ANK1: variants seen among roughly 807,000 people sequenced by gnomAD.
ANK1 encodes ankyrin 1.
A neutral mutation model predicts 210.4 loss-of-function variants in ANK1; 51 were observed. The ratio of observed to expected loss-of-function variants is 0.24; its 90% CI spans 0.19 to 0.31. ANK1 has a LOEUF of 0.31. Ranked by LOEUF, ANK1 falls within the 10% of genes least tolerant of loss-of-function variation. The probability of loss-of-function intolerance (pLI) is 1.00; values close to 1 mark genes in which losing one functional copy is unlikely to be tolerated. For synonymous variants in ANK1, 967 were observed against 1,025.9 expected (o/e 0.94, Z 1.10); for missense variants, 2,051 against 2,504.4 (o/e 0.82, Z 3.86).
chr8:41,891,819 CA>C (rs1819510505), intron 1 of ANK1, among the ~76,000 whole-genome samples: 1 of 152,188 alleles, frequency 6.6e-6, no homozygotes, highest in Non-Finnish European at 1.5e-5. Flanking sequence ...GCAGGGATAC[CA>C]AAGTTGTGAT....
At chr8:41,660,755 G>A (rs979458164) in intron 42 of ANK1, among the ~76,000 whole-genome samples, 2 of 152,138 alleles carry the variant, frequency 1.3e-5, no homozygotes, top group African/African-American at 4.8e-5. Flanking sequence ...TGTCGGCTCA[G>A]CCCTTTCCTA....
At chr8:41,730,115 T>C (rs1831745874) in intron 3 of ANK1, among the ~76,000 whole-genome samples, 1 of 152,252 alleles carries the variant, frequency 6.6e-6, no homozygotes, top group Admixed American at 6.5e-5. Context: ...GACTCTGACC[T>C]TGCCCAGTGG....
chr8:41,774,036 GA>G (rs1843504093), intron 1 of ANK1, among the ~76,000 whole-genome samples: 2 of 104,074 alleles, frequency 1.9e-5, no homozygotes, highest in East Asian at 4.3e-4. Context: ...ATAAGAAATA[GA>G]ACCAGAATTC....
intron 1 of ANK1, among the ~76,000 whole-genome samples, chr8:41,818,885 C>T (rs369508069): frequency 6.6e-6 from 1 of 152,168 alleles, no homozygotes; most frequent in South Asian, 2.1e-4. Context: ...GCCTAAGACA[C>T]GCCCACAGCT....
At chr8:41,853,685 T>C (rs1348929813) in intron 1 of ANK1, among the ~76,000 whole-genome samples, 1 of 152,188 alleles carries the variant, frequency 6.6e-6, no homozygotes, top group Non-Finnish European at 1.5e-5. Context: ...CAGATACCTA[T>C]AGAGGCTGGG....
intron 1 of ANK1, among the ~76,000 whole-genome samples, chr8:41,881,036 G>A (rs1182055319): frequency 1.3e-5 from 2 of 152,268 alleles, no homozygotes; most frequent in African/African-American, 2.4e-5. Flanking sequence ...AGTACAGAGA[G>A]TTGGGCCTGG....
At chr8:41,764,192 C>T (rs1841219278) in intron 1 of ANK1, among the ~76,000 whole-genome samples, 1 of 151,992 alleles carries the variant, frequency 6.6e-6, no homozygotes, top group African/African-American at 2.4e-5. Context: ...GGATCCATTC[C>T]ATGAGTATTC....
In ANK1 at chr8:41,797,477, C is replaced by T; in HGVS notation, c.27+35G>A. ...GGCCTGGGTGGCCCCCTCCTGACAT[C>T]TCCCCGTCCACCCGAGCAGCCGCCC... On this transcript the variant is annotated intron_variant, in intron 1 of 42. Coordinates refer to ENST00000289734, the MANE Select transcript of ANK1 (RefSeq NM_000037.4). The surrounding 1 kb of genome is among the most constrained non-coding windows in gnomAD (Gnocchi z 4.0). The T allele has an allele frequency of 6.2e-7, 1 of 1,601,400 alleles. No individual in the cohort carries two copies. Among genetic ancestry groups the T allele is most frequent in the Non-Finnish European group, 8.5e-7 (1 of 1,170,194 alleles).
chr8:41,673,913 G>A (rs1164240448), intron 37 of ANK1, among the ~76,000 whole-genome samples: 1 of 152,170 alleles, frequency 6.6e-6, no homozygotes, highest in Non-Finnish European at 1.5e-5. Flanking sequence ...GCTGAAGGGG[G>A]ACCCTGGGAA....
At chr8:41,690,684 C>T in intron 31 of ANK1, 85 bp from the exon 32 acceptor site, 3 of 1,543,574 alleles carry the variant, frequency 1.9e-6, no homozygotes, top group Non-Finnish European at 2.7e-6. Context: ...CTTCCCTCTC[C>T]AAGACACACC....
intron 1 of ANK1, among the ~76,000 whole-genome samples, chr8:41,849,377 A>T (rs572984122): frequency 1.8e-4 from 27 of 152,328 alleles, no homozygotes; most frequent in Admixed American, 5.2e-4. Flanking sequence ...TACAAAAATT[A>T]GCCGGGCATG....
intron 1 of ANK1, among the ~76,000 whole-genome samples, chr8:41,763,884 TTTTTC>T (rs1439156895): frequency 0.02 from 2,244 of 111,688 alleles, 82 homozygotes; most frequent in Non-Finnish European, 0.027. Context: ...TTTTTTTCTT[TTTTTC>T]TTTTTTTTTT....
chr8:41,849,987 A>G (rs1810917408), intron 1 of ANK1, among the ~76,000 whole-genome samples: 1 of 152,084 alleles, frequency 6.6e-6, no homozygotes, highest in Non-Finnish European at 1.5e-5. Flanking sequence ...ACGCTGTCAG[A>G]GCCCTGGCAG....
chr8:41,769,579 C>T (rs1842592078), intron 1 of ANK1, among the ~76,000 whole-genome samples: 1 of 152,172 alleles, frequency 6.6e-6, no homozygotes, highest in Admixed American at 6.5e-5. Context: ...ATGCAATTGA[C>T]TTGCACAATG....
At chr8:41,723,330 T>C (rs751519155) in intron 8 of ANK1, 107 bp from the exon 9 acceptor site, 90 of 1,299,456 alleles carry the variant, frequency 6.9e-5, no homozygotes, top group Non-Finnish European at 9.8e-5. Context: ...AGTGCTGACG[T>C]TTCCTCAAGC....
intron 1 of ANK1, among the ~76,000 whole-genome samples, chr8:41,883,708 C>T (rs938723833): frequency 2.0e-5 from 3 of 152,158 alleles, no homozygotes; most frequent in African/African-American, 7.2e-5. Flanking sequence ...GATCTTCCCA[C>T]CTCAGCCACC....
At chr8:41,722,363 T>C (rs1313871565) in intron 9 of ANK1, among the ~76,000 whole-genome samples, 1 of 152,236 alleles carries the variant, frequency 6.6e-6, no homozygotes, top group Non-Finnish European at 1.5e-5. Context: ...CAGCTTTCAC[T>C]GTATGGTCTA....
At chr8:41,736,383 C>T (rs1418749417) in intron 2 of ANK1, among the ~76,000 whole-genome samples, 1 of 152,174 alleles carries the variant, frequency 6.6e-6, no homozygotes, top group Non-Finnish European at 1.5e-5. Context: ...GCAGGGCGAG[C>T]TTTTTCAGGC....
At chr8:41,852,988 G>A (rs1418430024) in intron 1 of ANK1, among the ~76,000 whole-genome samples, 123 of 152,154 alleles carry the variant, frequency 8.1e-4, no homozygotes, top group Non-Finnish European at 2.9e-5. Flanking sequence ...CATATGTGGT[G>A]GCTCCTTTAA....
Sources: allele counts gnomAD v4.1 joint callset (sites outside exome capture counted in the v4.1 genomes callset), GRCh38; gene constraint gnomAD v4.1.1; non-coding constraint Gnocchi (gnomAD v3.1); transcripts MANE v1.5; gene names NCBI Gene and HGNC (gene_info 2026-07-23, HGNC 2026-07-21).